MS4A15: variants seen among roughly 807,000 people sequenced by gnomAD.
MS4A15 encodes membrane-spanning 4-domains subfamily A member 15.
Under a neutral mutation model 20.6 loss-of-function variants are expected in MS4A15, and 22 were observed. That is an observed-to-expected ratio of 1.07 (90% confidence interval 0.76 to 1.52). The LOEUF (loss-of-function observed/expected upper bound fraction) is 1.52, where lower values mean the gene tolerates loss of function less well. Among genes scored for constraint, MS4A15 ranks in the 40% most tolerant of loss-of-function variants. MS4A15 has a pLI of 0.00. For synonymous variants in MS4A15, 129 were observed against 129.3 expected, an observed-to-expected ratio of 1.00 and a Z score of 0.02; for missense variants, 312 against 323.0, an observed-to-expected ratio of 0.97 and a Z score of 0.26.
At chr11:60,762,766 T>A (rs1307212361) in intron 1 of MS4A15, among the ~76,000 whole-genome samples, 2 of 152,172 alleles carry the variant, frequency 1.3e-5, no homozygotes, top group Non-Finnish European at 2.9e-5. Flanking sequence ...CGGCAACATA[T>A]CCAAGCTTAT....
chr11:60,764,900 C>A lies in MS4A15; in HGVS notation c.225+942C>A, dbSNP rs140908930. Among the ~76,000 whole-genome samples, 195 of 151,628 alleles carry A rather than the reference C, an allele frequency of 1.3e-3. 3 individuals are homozygous for A. The East Asian group carries it at 0.03, about 23-fold the overall frequency. On this transcript the variant is annotated intron_variant, in intron 2 of 6. Coordinates refer to ENST00000405633, the MANE Select transcript of MS4A15 (RefSeq NM_001098835.2). ...CTCCAGCCTGGGTGACAGTGTGAGA[C>A]CCCATTTAAAAAAAAAAAGAAAAAG...
intron 3 of MS4A15, among the ~76,000 whole-genome samples, chr11:60,769,251 T>G (rs1722967261): frequency 6.6e-6 from 1 of 152,110 alleles, no homozygotes; most frequent in South Asian, 2.1e-4. Flanking sequence ...GCTCCAACAT[T>G]TAATCATTGT....
intron 1 of MS4A15, among the ~76,000 whole-genome samples, chr11:60,763,481 A>C (rs1359827445): frequency 6.6e-6 from 1 of 152,210 alleles, no homozygotes; most frequent in Non-Finnish European, 1.5e-5. Flanking sequence ...AAGGCCTCTG[A>C]AACCAGAGAG....
rs1854184745 is a variant in MS4A15, at chr11:60,775,968, C to A, written c.*253C>A. On this transcript the variant is annotated 3_prime_UTR_variant, in exon 7 of 7. Transcript: ENST00000405633. ...CCTTCAGCTCCCTGAGCCCTGTCACCCTTCCAGGACACCCACCTTGTGCAT... is the reference window on the plus strand; with the variant it reads ...CCTTCAGCTCCCTGAGCCCTGTCACACTTCCAGGACACCCACCTTGTGCAT... The A allele has an allele frequency of 5.5e-6, 2 of 361,784 alleles. No individual in the cohort carries two copies. Among genetic ancestry groups the A allele is most frequent in the Non-Finnish European group, 1.0e-5 (2 of 197,660 alleles). The allele number at this position is 361,784 out of a possible 1,614,324, so 22.4% of individuals were successfully genotyped here.
chr11:60,763,679 T>G, intron 1 of MS4A15, 27 bp from the exon 2 acceptor site: 1 of 1,585,576 alleles, frequency 6.3e-7, no homozygotes, highest in Non-Finnish European at 8.6e-7. Flanking sequence ...TGGGTGACAA[T>G]CATCATTGCC....
intron 4 of MS4A15, among the ~76,000 whole-genome samples, chr11:60,772,626 G>T (rs1380293444): frequency 6.6e-6 from 1 of 152,132 alleles, no homozygotes; most frequent in Non-Finnish European, 1.5e-5. Context: ...AAGAATCAGG[G>T]GTCTTTAAAC....
intron 2 of MS4A15, 24 bp downstream of exon 2, chr11:60,763,982 C>T (rs1030354475): frequency 3.5e-5 from 55 of 1,587,780 alleles, no homozygotes; most frequent in Non-Finnish European, 4.5e-5. Context: ...CTCTGCACAA[C>T]CTGAGGCAGG....
At chr11:60,766,153 G>T (rs191270631) in intron 2 of MS4A15, among the ~76,000 whole-genome samples, 1 of 152,178 alleles carries the variant, frequency 6.6e-6, no homozygotes, top group Non-Finnish European at 1.5e-5. Context: ...GGCCAAGATG[G>T]GTGGATCACC....
intron 3 of MS4A15, among the ~76,000 whole-genome samples, chr11:60,770,467 G>A (rs745607678): frequency 5.9e-5 from 9 of 151,702 alleles, no homozygotes; most frequent in South Asian, 2.1e-4. Flanking sequence ...GTGTGGTGGC[G>A]GGCGTCTGTA....
intron 1 of MS4A15, among the ~76,000 whole-genome samples, chr11:60,762,657 C>T (rs1329369408): frequency 6.6e-6 from 1 of 152,160 alleles, no homozygotes; most frequent in Middle Eastern, 3.2e-3. Context: ...TGCTGTCACT[C>T]AGTGCATCTA....
chr11:60,764,223 A>G (rs891407016), intron 2 of MS4A15, among the ~76,000 whole-genome samples: 1 of 152,184 alleles, frequency 6.6e-6, no homozygotes, highest in African/African-American at 2.4e-5. Flanking sequence ...TAGCGAGGGT[A>G]GGTGGAAACT....
rs1853809515 is a variant in MS4A15, at chr11:60,763,790, C to T, written c.57C>T (p.Ala19=). Residue 19 remains alanine (A), a synonymous_variant, in exon 2 of 7, where the codon GCC becomes GCT. Coordinates refer to ENST00000405633, the MANE Select transcript of MS4A15 (RefSeq NM_001098835.2). ...TTGTTGTCATCCCGCCAAACAACGC[C>T]AGTGGCCTCTGCCCACCTCCGGCCA... ...GVFVVIPPNN[A]SGLCPPPAIL... is the part of the protein sequence containing the mutation. The T allele has an allele frequency of 2.5e-6, 4 of 1,612,404 alleles. No homozygotes were observed. The highest frequency in any genetic ancestry group is 1.1e-5 in the South Asian group (1 of 91,004).
At chr11:60,775,087 G>A (rs914102772) in intron 6 of MS4A15, among the ~76,000 whole-genome samples, 6 of 152,094 alleles carry the variant, frequency 3.9e-5, no homozygotes, top group Admixed American at 2.0e-4. Flanking sequence ...AGGCCGAGGC[G>A]GGCAGATCAT....
At chr11:60,772,094 G>T (rs903381798) in intron 4 of MS4A15, among the ~76,000 whole-genome samples, 4 of 152,256 alleles carry the variant, frequency 2.6e-5, no homozygotes, top group East Asian at 1.9e-4. Context: ...CAGCTGGGAC[G>T]GTCTGGAGTC....
intron 1 of MS4A15, among the ~76,000 whole-genome samples, chr11:60,762,691 C>T (rs2134704642): frequency 6.6e-6 from 1 of 152,296 alleles, no homozygotes; most frequent in East Asian, 1.9e-4. Context: ...GCAATAAAAG[C>T]TTACCTCGCT....
intron 1 of MS4A15, among the ~76,000 whole-genome samples, chr11:60,762,804 G>C (rs1400673876): frequency 6.6e-6 from 1 of 152,184 alleles, no homozygotes; most frequent in South Asian, 2.1e-4. Context: ...TTGGGGCATG[G>C]AAAAATACTG....
At chr11:60,769,397 G>C (rs957338991) in intron 3 of MS4A15, among the ~76,000 whole-genome samples, 1 of 152,178 alleles carries the variant, frequency 6.6e-6, no homozygotes, top group Non-Finnish European at 1.5e-5. Flanking sequence ...CAGAATTCCA[G>C]GATGGTGGAT....
chr11:60,767,796 G>A, intron 3 of MS4A15, 141 bp downstream of exon 3: 1 of 1,087,300 alleles, frequency 9.2e-7, no homozygotes, highest in Non-Finnish European at 1.2e-6. Context: ...AAGAACTAGA[G>A]TCTAAATCTA....
chr11:60,767,434 C>A, intron 2 of MS4A15, 99 bp from the exon 3 acceptor site: 1 of 1,346,152 alleles, frequency 7.4e-7, no homozygotes, highest in Non-Finnish European at 9.7e-7. Context: ...CAGTGGCCAA[C>A]AAGCGGGAGG....
Sources: allele counts gnomAD v4.1 joint callset (sites outside exome capture counted in the v4.1 genomes callset), GRCh38; gene constraint gnomAD v4.1.1; transcripts MANE v1.5; gene names NCBI Gene and HGNC (gene_info 2026-07-23, HGNC 2026-07-21).